IRF2: variants seen among roughly 807,000 people sequenced by gnomAD.
IRF2 encodes interferon regulatory factor 2.
A neutral mutation model predicts 40.6 loss-of-function variants in IRF2; 15 were observed. The observed-to-expected ratio is 0.37, with a 90% CI of 0.25 to 0.57. The LOEUF (loss-of-function observed/expected upper bound fraction) is 0.57, where lower values mean the gene tolerates loss of function less well. Among genes scored for constraint, IRF2 ranks in the 20% least tolerant of loss-of-function variants. The pLI is 0.77. For missense variants in IRF2, 317 were observed against 455.7 expected (o/e 0.70, Z 2.77); for synonymous variants, 151 against 165.5 (o/e 0.91, Z 0.67).
chr4:184,442,979 G>T (rs1738369619), intron 1 of IRF2, among the ~76,000 whole-genome samples: 1 of 151,888 alleles, frequency 6.6e-6, no homozygotes, highest in South Asian at 2.1e-4. Flanking sequence ...AGGCTGGAGT[G>T]CAATGGCACG....
At position 184,398,971 on chromosome 4, in the gene IRF2, G is replaced by T; in HGVS notation, c.638C>A (p.Pro213Gln). Residue 213 changes from proline (P) to glutamine (Q), a missense_variant, in exon 7 of 9, where the codon CCG (proline) becomes CAG (glutamine). Coordinates refer to ENST00000393593, the MANE Select transcript of IRF2 (RefSeq NM_002199.4). Reference protein sequence around the residue: ...VEVTTESDEQPVSMSELYPLQ... With the variant: ...VEVTTESDEQQVSMSELYPLQ... ...AGGGTAGAGCTCGCTCATGCTGACC[G>T]GCTGCTCGTCGCTCTCAGTGGTCAC... is the stretch of plus-strand genomic sequence containing the variant. 6.2e-7 allele frequency: 1 copy of T among 1,613,060 alleles called. No individual in the cohort carries two copies. The highest frequency in any genetic ancestry group is 1.3e-5 in the African/African-American group (1 of 74,922).
chr4:184,422,452 C>G (rs1737516540), intron 2 of IRF2, among the ~76,000 whole-genome samples: 1 of 152,200 alleles, frequency 6.6e-6, no homozygotes, highest in African/African-American at 2.4e-5. Flanking sequence ...CCAAAGAATT[C>G]TAAGCCAACA....
intron 7 of IRF2, among the ~76,000 whole-genome samples, chr4:184,392,240 A>G (rs561126049): frequency 2.0e-5 from 3 of 152,368 alleles, no homozygotes; most frequent in African/African-American, 7.2e-5. Flanking sequence ...AGGCCTAAAG[A>G]GTAACTGCAA....
chr4:184,407,178 C>A, intron 6 of IRF2: 1 of 1,289,280 alleles, frequency 7.8e-7, no homozygotes. Flanking sequence ...GCACTGCTAA[C>A]CTCGGCAAGA....
chr4:184,436,746 A>G (rs1180852690), intron 1 of IRF2, among the ~76,000 whole-genome samples: 1 of 152,218 alleles, frequency 6.6e-6, no homozygotes, highest in African/African-American at 2.4e-5. Flanking sequence ...TGATGTGAGC[A>G]GAGCAACTGT....
intron 7 of IRF2, among the ~76,000 whole-genome samples, chr4:184,395,595 C>A (rs1342176421): frequency 6.6e-6 from 1 of 152,144 alleles, no homozygotes; most frequent in African/African-American, 2.4e-5. Context: ...CAATTTCTGA[C>A]GGAGGAACTA....
At chr4:184,421,062 A>G (rs1290040272) in intron 2 of IRF2, among the ~76,000 whole-genome samples, 1 of 152,192 alleles carries the variant, frequency 6.6e-6, no homozygotes, top group Non-Finnish European at 1.5e-5. Flanking sequence ...AGTTCTGGTA[A>G]TTGCTAGGTA....
intron 1 of IRF2, among the ~76,000 whole-genome samples, chr4:184,470,246 GCA>G (rs780320861): frequency 1.3e-5 from 2 of 152,112 alleles, no homozygotes; most frequent in Non-Finnish European, 2.9e-5. Flanking sequence ...ACATTTCACC[GCA>G]GTTTCGTTTA....
At position 184,388,833 on chromosome 4, in the gene IRF2, C is replaced by A. The variant is rs1736146396; in HGVS notation, c.975G>T (p.Arg325=). Residue 325 remains arginine, a synonymous_variant, in exon 9 of 9, where the codon CGG becomes CGT. Coordinates refer to ENST00000393593, the MANE Select transcript of IRF2 (RefSeq NM_002199.4). The surrounding 1 kb of genome is among the most constrained non-coding windows in gnomAD (Gnocchi z 4.6). ...SSMTPASSSS[R]PDRETRASVI... is the part of the protein sequence containing the mutation. Reference sequence around the variant, plus strand: ...CGCTGGCCCGGGTCTCCCGGTCTGGCCGACTGCTGCTGGATGCTGGGGTCA... The same window carrying A: ...CGCTGGCCCGGGTCTCCCGGTCTGGACGACTGCTGCTGGATGCTGGGGTCA... The A allele has an allele frequency of 6.2e-7, 1 of 1,613,862 alleles. No individual in the cohort carries two copies. Among genetic ancestry groups the A allele is most frequent in the African/African-American group, 1.3e-5 (1 of 74,892 alleles).
In IRF2 at chr4:184,429,686, C is replaced by T. The variant is rs957722723; in HGVS notation, c.-6-616G>A. 1.2e-4 allele frequency among the ~76,000 whole-genome samples: 19 copies of T among 152,324 alleles called. No individual in the cohort carries two copies. The Middle Eastern group carries it at 0.01, about 82-fold the overall frequency. ...TATCTCCTTTGCTTTTGCTTTTACC[C>T]GAATGCAGTCTCTCACCCAAGTGTC... On this transcript the variant is annotated intron_variant, in intron 1 of 8. Transcript: ENST00000393593.
chr4:184,452,216 G>A (rs1314804678), intron 1 of IRF2, among the ~76,000 whole-genome samples: 1 of 152,168 alleles, frequency 6.6e-6, no homozygotes, highest in Non-Finnish European at 1.5e-5. Flanking sequence ...GCAGCACAGG[G>A]GCACAGGAGA....
At chr4:184,464,067 G>A (rs569900914) in intron 1 of IRF2, among the ~76,000 whole-genome samples, 5 of 152,154 alleles carry the variant, frequency 3.3e-5, no homozygotes, top group African/African-American at 7.2e-5. Flanking sequence ...GATAGGGACC[G>A]TATAGGACAT....
intron 1 of IRF2, chr4:184,432,168 G>C (rs1156767922): frequency 6.6e-6 from 1 of 152,220 alleles, no homozygotes; most frequent in Non-Finnish European, 1.5e-5. Context: ...CGCAGATTCT[G>C]TATCTGTGAA....
intron 1 of IRF2, among the ~76,000 whole-genome samples, chr4:184,430,654 C>T (rs1235717639): frequency 6.6e-6 from 1 of 152,210 alleles, no homozygotes; most frequent in Non-Finnish European, 1.5e-5. Flanking sequence ...GTATAGTCCA[C>T]TCTCTTTTCC....
chr4:184,411,683 G>A (rs1737079052), intron 5 of IRF2, among the ~76,000 whole-genome samples: 1 of 152,082 alleles, frequency 6.6e-6, no homozygotes, highest in Non-Finnish European at 1.5e-5. Flanking sequence ...TTAGAAGTAG[G>A]AATATCTAAA....
intron 6 of IRF2, among the ~76,000 whole-genome samples, chr4:184,402,963 C>T (rs950658775): frequency 3.3e-5 from 5 of 152,148 alleles, no homozygotes; most frequent in African/African-American, 7.2e-5. Flanking sequence ...TAGATAAGCA[C>T]GTCCATGCAG....
At chr4:184,428,426 C>T (rs1737748393) in intron 2 of IRF2, among the ~76,000 whole-genome samples, 1 of 152,148 alleles carries the variant, frequency 6.6e-6, no homozygotes, top group Non-Finnish European at 1.5e-5. Flanking sequence ...AAGGAGCTTT[C>T]GAGAGGCAGT....
intron 5 of IRF2, among the ~76,000 whole-genome samples, chr4:184,412,563 C>T (rs936829188): frequency 1.4e-4 from 21 of 152,218 alleles, no homozygotes; most frequent in African/African-American, 3.4e-4. Context: ...GCTAACAGAA[C>T]GTGTAGGCTG....
intron 2 of IRF2, among the ~76,000 whole-genome samples, chr4:184,426,191 T>C (rs545042721): frequency 5.6e-4 from 86 of 152,222 alleles, no homozygotes; most frequent in African/African-American, 2.0e-3. Context: ...AATTTTTGTG[T>C]TTTTAGTGGA....
Sources: gnomAD v4.1 joint callset for allele counts (sites outside exome capture counted in the v4.1 genomes callset) on GRCh38, gnomAD v4.1.1 for gene constraint, Gnocchi (gnomAD v3.1) non-coding constraint, MANE v1.5 for transcripts, NCBI Gene and HGNC (gene_info 2026-07-23, HGNC 2026-07-21) for gene names.